The following GAREM1 variants were observed in gnomAD, a reference collection of about 807,000 sequenced individuals.
The protein encoded by GAREM1 is GRB2 associated regulator of MAPK1 subtype 1.
GAREM1 carries 26 observed loss-of-function variants against 71.3 expected under a neutral mutation model. The observed-to-expected ratio is 0.36, with a 90% confidence interval of 0.27 to 0.51. The LOEUF (loss-of-function observed/expected upper bound fraction) is 0.51, where lower values mean the gene tolerates loss of function less well. Among genes scored for constraint, GAREM1 ranks in the 20% least tolerant of loss-of-function variants. The probability of loss-of-function intolerance (pLI) is 0.95; values close to 1 mark genes in which losing one functional copy is unlikely to be tolerated. For synonymous variants in GAREM1, 440 were observed against 433.2 expected (o/e 1.02, Z -0.20); for missense variants, 1,026 against 1,103.1 (o/e 0.93, Z 0.99).
At chr18:32,312,955 G>T (rs1490722575) in intron 2 of GAREM1, among the ~76,000 whole-genome samples, 1 of 152,218 alleles carries the variant, frequency 6.6e-6, no homozygotes, top group Non-Finnish European at 1.5e-5. Flanking sequence ...TGAGAGAGGA[G>T]TTGTTAGAGG....
chr18:32,454,782 G>A (rs548255155), intron 1 of GAREM1, among the ~76,000 whole-genome samples: 2 of 152,280 alleles, frequency 1.3e-5, no homozygotes, highest in East Asian at 3.9e-4. Flanking sequence ...AGAACAGAGT[G>A]TGTGCACCTG....
intron 1 of GAREM1, among the ~76,000 whole-genome samples, chr18:32,422,357 C>T (rs891639953): frequency 1.3e-5 from 2 of 152,182 alleles, no homozygotes; most frequent in Non-Finnish European, 2.9e-5. Flanking sequence ...TTCCATTCAA[C>T]AGATGGAACT....
chr18:32,344,676 A>C (rs1054006340), intron 2 of GAREM1, among the ~76,000 whole-genome samples: 2 of 152,252 alleles, frequency 1.3e-5, no homozygotes, highest in African/African-American at 4.8e-5. Flanking sequence ...TTCAAAATAA[A>C]CACTGTCGAA....
rs2048182064 is a variant in GAREM1, at chr18:32,390,110, GC to G, written c.262+2784del. Among the ~76,000 whole-genome samples the G allele has an allele frequency of 2.0e-5, 3 of 152,164 alleles. No individual in the cohort carries two copies. The South Asian group carries it at 6.2e-4, about 32-fold the overall frequency. The stretch of plus-strand genomic sequence containing the variant: ...CCTTTGAGCCCAGTAGTCCAGGGCT[GC>G]AGTGAGCCATGAACACACCACTGCA... On this transcript the variant is annotated intron_variant, in intron 2 of 5. Transcript: ENST00000269209.
chr18:32,286,758 C>T (rs964118307), intron 4 of GAREM1, among the ~76,000 whole-genome samples: 5 of 152,176 alleles, frequency 3.3e-5, no homozygotes, highest in African/African-American at 1.2e-4. Context: ...TCTACTCTCT[C>T]CTCCCTATTA....
At chr18:32,439,707 G>A (rs1284057430) in intron 1 of GAREM1, among the ~76,000 whole-genome samples, 4 of 151,390 alleles carry the variant, frequency 2.6e-5, no homozygotes, top group East Asian at 1.9e-4. Context: ...GTAAGAATAC[G>A]AGAGGTCATT....
chr18:32,355,882 AC>A (rs2047800302), intron 2 of GAREM1, among the ~76,000 whole-genome samples: 1 of 152,248 alleles, frequency 6.6e-6, no homozygotes, highest in Non-Finnish European at 1.5e-5. Context: ...AATTCCATAT[AC>A]AGTTATTAGA....
chr18:32,363,790 C>T (rs1325714257), intron 2 of GAREM1, among the ~76,000 whole-genome samples: 1 of 151,200 alleles, frequency 6.6e-6, no homozygotes, highest in Non-Finnish European at 1.5e-5. Context: ...TGAAGAGGCT[C>T]AAGGTAATCT....
At chr18:32,403,566 G>C (rs145209053) in intron 1 of GAREM1, among the ~76,000 whole-genome samples, 12 of 152,150 alleles carry the variant, frequency 7.9e-5, no homozygotes, top group African/African-American at 2.7e-4. Flanking sequence ...ATGTCTTCTT[G>C]ATCCTAATCT....
In GAREM1 at chr18:32,378,813, C is replaced by A. The variant is rs558515591; in HGVS notation, c.262+14082G>T. ...TCTCCTCAGCAGACTCAGGGAACAA[C>A]AGAATGTACTATTTGCTATTTCCAC... On this transcript the variant is annotated intron_variant, in intron 2 of 5. Transcript: ENST00000269209. 2.0e-5 allele frequency among the ~76,000 whole-genome samples: 3 copies of A among 152,304 alleles called. 1 individual carries two copies. In the East Asian group the frequency reaches 5.8e-4, roughly 29 times the overall value.
At chr18:32,309,615 CAAAAAA>C (rs11370938) in intron 3 of GAREM1, among the ~76,000 whole-genome samples, 3 of 13,862 alleles carry the variant, frequency 2.2e-4, no homozygotes, top group African/African-American at 9.0e-4. Context: ...GACTCAGTCT[CAAAAAA>C]AAAAAAAAAA....
At chr18:32,392,114 C>G (rs561496172) in intron 2 of GAREM1, among the ~76,000 whole-genome samples, 72 of 151,942 alleles carry the variant, frequency 4.7e-4, no homozygotes, top group African/African-American at 1.7e-3. Flanking sequence ...TCTGAACAGA[C>G]TTGGAAAATA....
Position 32,264,059 on chromosome 18 carries a change from T to C in GAREM1, c.*3812A>G, listed in dbSNP as rs930433111. ...TTTTAAAACACCAAGTTTTAAAGACTGAACAGTGTGATTTAACATGATGTA... is the reference window on the plus strand; with the variant it reads ...TTTTAAAACACCAAGTTTTAAAGACCGAACAGTGTGATTTAACATGATGTA... On this transcript the variant is annotated 3_prime_UTR_variant, in exon 6 of 6. Transcript: ENST00000269209. 2.6e-5 allele frequency: 4 copies of C among 152,320 alleles called. No individual in the cohort carries two copies. The highest frequency in any genetic ancestry group is 2.1e-4 in the South Asian group (1 of 4,830). The allele number at this position is 152,320 out of a possible 1,614,324, so 9.4% of individuals were successfully genotyped here.
At chr18:32,325,157 C>A (rs1001800828) in intron 2 of GAREM1, among the ~76,000 whole-genome samples, 2 of 152,126 alleles carry the variant, frequency 1.3e-5, no homozygotes, top group Non-Finnish European at 2.9e-5. Context: ...CAGGGTTTCA[C>A]CATATTGGCC....
intron 4 of GAREM1, among the ~76,000 whole-genome samples, chr18:32,279,162 T>C (rs888828268): frequency 1.3e-5 from 2 of 152,200 alleles, no homozygotes; most frequent in Non-Finnish European, 1.5e-5. Flanking sequence ...TTCCTATTAA[T>C]GTGATTTTAT....
chr18:32,271,130 AGCATTGGGATTATAG>A (rs549026003), intron 4 of GAREM1, among the ~76,000 whole-genome samples: 121 of 151,864 alleles, frequency 8.0e-4, no homozygotes, highest in African/African-American at 2.7e-3. Flanking sequence ...TGCCTCCCAA[AGCATTGGGATTATAG>A]GCATGAGCCA....
intron 1 of GAREM1, among the ~76,000 whole-genome samples, chr18:32,418,969 G>A (rs2144693951): frequency 6.6e-6 from 1 of 152,300 alleles, no homozygotes; most frequent in South Asian, 2.1e-4. Flanking sequence ...CTCCACTCAG[G>A]CTGAAATCAA....
intron 2 of GAREM1, among the ~76,000 whole-genome samples, chr18:32,321,630 T>C (rs1321619002): frequency 6.6e-6 from 1 of 152,204 alleles, no homozygotes; most frequent in African/African-American, 2.4e-5. Flanking sequence ...ACTTCCTGAA[T>C]CAAGCGACCA....
At chr18:32,341,137 C>A (rs1167321699) in intron 2 of GAREM1, among the ~76,000 whole-genome samples, 1 of 152,134 alleles carries the variant, frequency 6.6e-6, no homozygotes, top group Non-Finnish European at 1.5e-5. Context: ...CCTCCCCTTA[C>A]CCCATGACAG....
Sources: gnomAD v4.1 joint callset for allele counts (sites outside exome capture counted in the v4.1 genomes callset) on GRCh38, gnomAD v4.1.1 for gene constraint, MANE v1.5 for transcripts, NCBI Gene and HGNC (gene_info 2026-07-23, HGNC 2026-07-21) for gene names.